The following FOXP1 variants were observed in gnomAD, a reference collection of about 807,000 sequenced individuals.
The protein encoded by FOXP1 is forkhead box P1, also known as forkhead box protein P1.
A neutral mutation model predicts 98.2 loss-of-function variants in FOXP1; 15 were observed. The ratio of observed to expected loss-of-function variants is 0.15; its 90% CI spans 0.10 to 0.24. FOXP1 has a LOEUF of 0.24. Ranked by LOEUF, FOXP1 falls within the 10% of genes least tolerant of loss-of-function variation. The pLI is 1.00. For synonymous variants in FOXP1, 371 were observed against 314.5 expected, an observed-to-expected ratio of 1.18 and a Z score of -1.90; for missense variants, 633 against 848.5, an observed-to-expected ratio of 0.75 and a Z score of 3.15.
At position 70,966,035 on chromosome 3, in the gene FOXP1, T is replaced by A. The variant is rs781497990; in HGVS notation, c.1744A>T (p.Ile582Leu). The part of the protein sequence containing the change: ...ALQASMAENS[I>L]PLYTTASMGN... ...ATGGAAGCGGTAGTGTATAGAGGTATACTATTCTCAGCCATTGAAGCCTGT... is the reference window on the plus strand; with the variant it reads ...ATGGAAGCGGTAGTGTATAGAGGTAAACTATTCTCAGCCATTGAAGCCTGT... The change falls in exon 20 of 21, where the codon ATA becomes TTA. Residue 582 changes from isoleucine to leucine, a missense_variant. Ile to Leu is a conservative substitution (Grantham distance 5, BLOSUM62 2). Transcript: ENST00000649528. 8 of 1,614,166 alleles carry A rather than the reference T, an allele frequency of 5.0e-6. No individual in the cohort carries two copies. Among genetic ancestry groups the A allele is most frequent in the Non-Finnish European group, 6.8e-6 (8 of 1,179,998 alleles).
intron 2 of FOXP1, among the ~76,000 whole-genome samples, chr3:71,533,688 G>A (rs1482469991): frequency 2.0e-5 from 3 of 152,068 alleles, no homozygotes; most frequent in African/African-American, 7.2e-5. Context: ...GTTTTAAAGG[G>A]GGCAATAGCA....
chr3:71,311,841 T>G (rs1162908828), intron 4 of FOXP1, among the ~76,000 whole-genome samples: 1 of 152,212 alleles, frequency 6.6e-6, no homozygotes, highest in Admixed American at 6.5e-5. Context: ...CAACTTTTCC[T>G]GGCACCTTTC....
intron 4 of FOXP1, among the ~76,000 whole-genome samples, chr3:71,341,130 C>T (rs1290741381): frequency 1.3e-5 from 2 of 152,024 alleles, no homozygotes; most frequent in African/African-American, 2.4e-5. Flanking sequence ...AGGAACCAAC[C>T]AACCAGACAT....
intron 7 of FOXP1, among the ~76,000 whole-genome samples, chr3:71,086,824 C>T (rs1283676690): frequency 6.6e-6 from 1 of 152,208 alleles, no homozygotes; most frequent in Non-Finnish European, 1.5e-5. Context: ...CCACTTTCAA[C>T]TGCAACACAT....
intron 2 of FOXP1, among the ~76,000 whole-genome samples, chr3:71,529,724 G>C (rs1048073571): frequency 6.6e-6 from 1 of 152,152 alleles, no homozygotes; most frequent in Non-Finnish European, 1.5e-5. Flanking sequence ...TGAACATGTC[G>C]AGGTTCCTGG....
At chr3:71,103,971 G>C (rs1383862643) in intron 7 of FOXP1, among the ~76,000 whole-genome samples, 4 of 152,078 alleles carry the variant, frequency 2.6e-5, no homozygotes, top group Non-Finnish European at 5.9e-5. Context: ...AAAAAAGAGA[G>C]AGGCTTTAAT....
chr3:70,976,881 A>G, intron 17 of FOXP1, 60 bp downstream of exon 17: 1 of 1,257,136 alleles, frequency 8.0e-7, no homozygotes, highest in Non-Finnish European at 1.2e-6. Flanking sequence ...GCATTTTATC[A>G]ACAACAAACT....
At chr3:71,161,642 G>A (rs893159782) in intron 6 of FOXP1, among the ~76,000 whole-genome samples, 2 of 152,210 alleles carry the variant, frequency 1.3e-5, no homozygotes, top group African/African-American at 4.8e-5. Context: ...TAATCCACCT[G>A]ATTCCCTGCA....
chr3:71,267,690 C>A (rs1191339148), intron 5 of FOXP1, among the ~76,000 whole-genome samples: 1 of 152,146 alleles, frequency 6.6e-6, no homozygotes, highest in South Asian at 2.1e-4. Flanking sequence ...AATATTATCA[C>A]TTCTGGTAGA....
At chr3:71,422,869 C>T (rs749682568) in intron 3 of FOXP1, among the ~76,000 whole-genome samples, 25 of 152,008 alleles carry the variant, frequency 1.6e-4, no homozygotes, top group East Asian at 5.8e-4. Context: ...CACACAAGCG[C>T]GCACACACAC....
chr3:71,526,133 T>TAAAC (rs768628254), intron 2 of FOXP1, among the ~76,000 whole-genome samples: 2 of 150,438 alleles, frequency 1.3e-5, no homozygotes, highest in African/African-American at 2.4e-5. Context: ...AATATATAAA[T>TAAAC]AAATAAACAA....
chr3:71,121,168 A>G (rs17653477), intron 6 of FOXP1, among the ~76,000 whole-genome samples: 4,645 of 151,926 alleles, frequency 0.031, 179 homozygotes, highest in Admixed American at 0.11. Flanking sequence ...CACCAACTAC[A>G]GGAGACATGG....
At chr3:71,518,971 T>C (rs548267985) in intron 2 of FOXP1, among the ~76,000 whole-genome samples, 70 of 152,220 alleles carry the variant, frequency 4.6e-4, no homozygotes, top group African/African-American at 1.6e-3. Context: ...TGAGGCCAGG[T>C]GCGGTGGCTC....
Position 71,201,476 on chromosome 3 carries a change from C to T in FOXP1, c.-11-3084G>A, listed in dbSNP as rs2063668468. 2.0e-5 allele frequency among the ~76,000 whole-genome samples: 3 copies of T among 152,142 alleles called. No individual in the cohort carries two copies. The South Asian group carries it at 6.2e-4, about 32-fold the overall frequency. On this transcript the variant is annotated intron_variant, in intron 5 of 20. Coordinates refer to ENST00000649528, the MANE Select transcript of FOXP1 (RefSeq NM_001349338.3). ...GCCTGGCCAACATGGTGAAACTGCT[C>T]TCTACTAAAAATACAAAAAAATTAG...
chr3:71,120,822 T>C (rs2058706435), intron 6 of FOXP1, among the ~76,000 whole-genome samples: 1 of 152,220 alleles, frequency 6.6e-6, no homozygotes, highest in African/African-American at 2.4e-5. Flanking sequence ...TCACATATAC[T>C]TACAGACATG....
chr3:71,515,554 A>T (rs2107376422), intron 2 of FOXP1, among the ~76,000 whole-genome samples: 1 of 151,980 alleles, frequency 6.6e-6, no homozygotes, highest in South Asian at 2.1e-4. Flanking sequence ...ATGATCGGAG[A>T]CAGGGGTCAT....
chr3:71,470,353 G>A (rs2089210877), intron 3 of FOXP1, among the ~76,000 whole-genome samples: 1 of 152,200 alleles, frequency 6.6e-6, no homozygotes, highest in African/African-American at 2.4e-5. Context: ...CTAATACACA[G>A]CTAAGAGAAT....
intron 5 of FOXP1, among the ~76,000 whole-genome samples, chr3:71,244,017 C>T (rs1246522827): frequency 6.6e-6 from 1 of 152,102 alleles, no homozygotes; most frequent in Non-Finnish European, 1.5e-5. Context: ...CCAAACACAC[C>T]TTCACATTAA....
chr3:71,078,189 T>C (rs2054024978), intron 7 of FOXP1, among the ~76,000 whole-genome samples: 1 of 152,228 alleles, frequency 6.6e-6, no homozygotes, highest in Non-Finnish European at 1.5e-5. Flanking sequence ...GTGCTCTTTC[T>C]TCTTTCTCCA....
Sources: gnomAD v4.1 joint callset for allele counts (sites outside exome capture counted in the v4.1 genomes callset) on GRCh38, gnomAD v4.1.1 for gene constraint, MANE v1.5 for transcripts, NCBI Gene and HGNC (gene_info 2026-07-23, HGNC 2026-07-21) for gene names.